The following PLS1 variants were observed in gnomAD, a reference collection of about 807,000 sequenced individuals.
PLS1 encodes plastin 1, also known as plastin-1.
PLS1 carries 32 observed loss-of-function variants against 73.7 expected under a neutral mutation model. The observed-to-expected ratio is 0.43, with a 90% CI of 0.33 to 0.58. PLS1 has a LOEUF of 0.58. PLS1 is among the 20% of genes least tolerant of loss of function. The probability of loss-of-function intolerance (pLI) is 0.04; values close to 1 mark genes in which losing one functional copy is unlikely to be tolerated. For missense variants in PLS1, 633 were observed against 740.5 expected (o/e 0.85, Z 1.68); for synonymous variants, 217 against 261.3 (o/e 0.83, Z 1.63).
At chr3:142,659,587 A>C (rs1317543791) in intron 1 of PLS1, among the ~76,000 whole-genome samples, 1 of 152,004 alleles carries the variant, frequency 6.6e-6, no homozygotes, top group Non-Finnish European at 1.5e-5. Context: ...TACAAAAAGC[A>C]TATAATGAAG....
chr3:142,673,026 C>A (rs978144596), intron 4 of PLS1, among the ~76,000 whole-genome samples: 1 of 152,202 alleles, frequency 6.6e-6, no homozygotes, highest in Non-Finnish European at 1.5e-5. Flanking sequence ...ACTGTAGTGG[C>A]CTTTCATTTG....
At position 142,701,703 on chromosome 3, in the gene PLS1, A is replaced by G. The variant is rs117473662; in HGVS notation, c.1372-2165A>G. ...CCTATCAATATATTCTTAGGCCTCT[A>G]TACTAGCAACCCTGAACTCCTTTCT... On this transcript the variant is annotated intron_variant, in intron 12 of 15. Coordinates refer to ENST00000457734, the MANE Select transcript of PLS1 (RefSeq NM_001145319.2). 9.2e-5 allele frequency among the ~76,000 whole-genome samples: 14 copies of G among 152,284 alleles called. No individual in the cohort carries two copies. The East Asian group carries it at 2.7e-3, about 29-fold the overall frequency.
chr3:142,673,551 T>C (rs1173362673), intron 4 of PLS1: 2 of 152,192 alleles, frequency 1.3e-5, no homozygotes, highest in Non-Finnish European at 2.9e-5. Context: ...GTTAACTCTA[T>C]GTTTATCATT....
chr3:142,620,630 T>C (rs2036296880), intron 1 of PLS1, among the ~76,000 whole-genome samples: 1 of 152,232 alleles, frequency 6.6e-6, no homozygotes, highest in Non-Finnish European at 1.5e-5. Context: ...GAGTTACAGA[T>C]ACAACTTTGA....
At chr3:142,677,296 G>T (rs148919239) in intron 5 of PLS1, among the ~76,000 whole-genome samples, 3 of 152,134 alleles carry the variant, frequency 2.0e-5, no homozygotes, top group African/African-American at 7.2e-5. Flanking sequence ...TTTGTTTTAG[G>T]CTGCGGAATA....
intron 6 of PLS1, 35 bp downstream of exon 6, chr3:142,678,148 T>C: frequency 2.0e-6 from 2 of 1,021,754 alleles, no homozygotes; most frequent in Non-Finnish European, 2.9e-6. Flanking sequence ...ATCATGTTAC[T>C]ATGCTGAGAA....
chr3:142,641,891 C>T (rs1472200315), intron 1 of PLS1, among the ~76,000 whole-genome samples: 1 of 152,054 alleles, frequency 6.6e-6, no homozygotes, highest in Non-Finnish European at 1.5e-5. Context: ...AAGTATACCA[C>T]TTTACAGACA....
intron 2 of PLS1, among the ~76,000 whole-genome samples, 168 bp downstream of exon 2, chr3:142,664,475 C>T (rs1254323449): frequency 3.3e-5 from 5 of 152,098 alleles, no homozygotes; most frequent in South Asian, 2.1e-4. Flanking sequence ...AGATAAGCTA[C>T]GACTAGCTTG....
intron 1 of PLS1, among the ~76,000 whole-genome samples, chr3:142,647,212 A>G (rs910607529): frequency 5.3e-5 from 8 of 152,378 alleles, no homozygotes; most frequent in African/African-American, 1.7e-4. Flanking sequence ...GAATAGAATC[A>G]TCACCATCAT....
rs1394676380 is a variant in PLS1, at chr3:142,646,098, A to G, written c.-36-18104A>G. Among the ~76,000 whole-genome samples the G allele has an allele frequency of 2.0e-5, 3 of 152,216 alleles. No homozygotes were observed. The South Asian group carries it at 6.2e-4, about 32-fold the overall frequency. ...CACTTATGTGAAGCTTTTGGTCTCA[A>G]TTTCTTTAATTCTAAAGTGCGAACT... On this transcript the variant is annotated intron_variant, in intron 1 of 15. Transcript: ENST00000457734.
At chr3:142,663,265 A>G (rs2037410145) in intron 1 of PLS1, among the ~76,000 whole-genome samples, 1 of 152,130 alleles carries the variant, frequency 6.6e-6, no homozygotes, top group Admixed American at 6.6e-5. Context: ...CAACAAAATT[A>G]TATTTGTTGA....
At chr3:142,610,714 C>T (rs1339791936) in intron 1 of PLS1, among the ~76,000 whole-genome samples, 2 of 152,144 alleles carry the variant, frequency 1.3e-5, no homozygotes, top group African/African-American at 2.4e-5. Context: ...CAAAGACTCT[C>T]GCTGGGCCAC....
At chr3:142,605,593 A>G (rs1252583737) in intron 1 of PLS1, among the ~76,000 whole-genome samples, 1 of 151,956 alleles carries the variant, frequency 6.6e-6, no homozygotes, top group Non-Finnish European at 1.5e-5. Context: ...CTGATCTCGA[A>G]CTCCTGACCT....
intron 2 of PLS1, among the ~76,000 whole-genome samples, chr3:142,664,727 A>G (rs907222718): frequency 6.6e-6 from 1 of 152,184 alleles, no homozygotes; most frequent in Non-Finnish European, 1.5e-5. Flanking sequence ...TTTAAATGCC[A>G]TATGTCTTAT....
At position 142,598,880 on chromosome 3, in the gene PLS1, A is replaced by G. The variant is rs1334432594; in HGVS notation, c.-37+2371A>G. On this transcript the variant is annotated intron_variant, in intron 1 of 15. Coordinates refer to ENST00000457734, the MANE Select transcript of PLS1 (RefSeq NM_001145319.2). Reference sequence around the variant, plus strand: ...GGGGGGCATGGTGGTGGGCGCCTGTAGTCCCAGCTACTTGGGAGGCTGAGG... The same window carrying G: ...GGGGGGCATGGTGGTGGGCGCCTGTGGTCCCAGCTACTTGGGAGGCTGAGG... Among the ~76,000 whole-genome samples, 5 of 152,050 alleles carry G rather than the reference A, an allele frequency of 3.3e-5. No individual in the cohort carries two copies. In the East Asian group the frequency reaches 7.8e-4, roughly 24 times the overall value.
intron 1 of PLS1, among the ~76,000 whole-genome samples, chr3:142,607,750 G>C (rs901915532): frequency 5.3e-5 from 8 of 152,094 alleles, no homozygotes; most frequent in African/African-American, 1.9e-4. Flanking sequence ...TTTAGTTACT[G>C]TGTCTCCTTA....
intron 1 of PLS1, among the ~76,000 whole-genome samples, chr3:142,636,583 C>CCT (rs2036697611): frequency 6.6e-6 from 1 of 152,184 alleles, no homozygotes; most frequent in Non-Finnish European, 1.5e-5. Context: ...AGTTGGACTT[C>CCT]ATCAAAATGT....
At chr3:142,623,961 A>G (rs1366829718) in intron 1 of PLS1, among the ~76,000 whole-genome samples, 1 of 152,126 alleles carries the variant, frequency 6.6e-6, no homozygotes, top group Non-Finnish European at 1.5e-5. Context: ...TGTGCCATCT[A>G]GAATGTGTGT....
intron 4 of PLS1, among the ~76,000 whole-genome samples, chr3:142,672,651 CTA>C (rs1288603081): frequency 1.3e-5 from 2 of 152,026 alleles, no homozygotes; most frequent in African/African-American, 4.8e-5. Context: ...CTGAAGTGTA[CTA>C]TTCTTAAGTA....
Sources: gnomAD v4.1 joint callset for allele counts (sites outside exome capture counted in the v4.1 genomes callset) on GRCh38, gnomAD v4.1.1 for gene constraint, MANE v1.5 for transcripts, NCBI Gene and HGNC (gene_info 2026-07-23, HGNC 2026-07-21) for gene names.